FYB1: variants seen among roughly 807,000 people sequenced by gnomAD.
FYB1 encodes FYN-binding protein 1.
A neutral mutation model predicts 94.1 loss-of-function variants in FYB1; 41 were observed. That is an observed-to-expected ratio of 0.44 (90% CI 0.34 to 0.57). FYB1 has a LOEUF of 0.57. Ranked by LOEUF, FYB1 falls within the 20% of genes least tolerant of loss-of-function variation. The pLI is 0.02. For missense variants in FYB1, 1,050 were observed against 976.8 expected (o/e 1.07, Z -1.00); for synonymous variants, 367 against 353.2 (o/e 1.04, Z -0.44).
At chr5:39,267,883 TA>T (rs1382911769) in intron 1 of FYB1, among the ~76,000 whole-genome samples, 6 of 152,160 alleles carry the variant, frequency 3.9e-5, no homozygotes, top group Non-Finnish European at 8.8e-5. Flanking sequence ...ACAAAGTATA[TA>T]AAAAATGCTT....
intron 2 of FYB1, chr5:39,169,127 C>T: frequency 2.9e-6 from 2 of 690,508 alleles, no homozygotes; most frequent in Non-Finnish European, 5.3e-6. Context: ...TGCACATTCT[C>T]AGAAATTTTA....
At chr5:39,193,416 A>G (rs1398709308) in intron 2 of FYB1, among the ~76,000 whole-genome samples, 1 of 152,220 alleles carries the variant, frequency 6.6e-6, no homozygotes, top group Non-Finnish European at 1.5e-5. Flanking sequence ...CAAGGCAAAC[A>G]TTATCTAAAA....
chr5:39,273,743 G>A (rs1269053254), intron 1 of FYB1, among the ~76,000 whole-genome samples: 1 of 152,124 alleles, frequency 6.6e-6, no homozygotes, highest in Non-Finnish European at 1.5e-5. Context: ...TGCCCCTTCA[G>A]TACTCACTGA....
chr5:39,126,695 CAAAAAAA>C (rs1272438775), intron 11 of FYB1, among the ~76,000 whole-genome samples: 4 of 29,024 alleles, frequency 1.4e-4, no homozygotes, highest in Non-Finnish European at 2.0e-4. Flanking sequence ...GACCTGGTCT[CAAAAAAA>C]AAAAAAAAAA....
chr5:39,145,160 C>T (rs964612233), intron 3 of FYB1, among the ~76,000 whole-genome samples: 3 of 152,120 alleles, frequency 2.0e-5, no homozygotes, highest in African/African-American at 7.2e-5. Context: ...ATATGCTTAA[C>T]ATTTTTTACA....
intron 9 of FYB1, among the ~76,000 whole-genome samples, chr5:39,132,084 T>C (rs562416360): frequency 1.3e-5 from 2 of 152,320 alleles, no homozygotes; most frequent in African/African-American, 4.8e-5. Context: ...CTGTAGATAC[T>C]GCTTTAGTGG....
intron 16 of FYB1, chr5:39,110,776 T>C: frequency 2.8e-6 from 1 of 353,732 alleles, no homozygotes; most frequent in Non-Finnish European, 5.4e-6. Flanking sequence ...GGTAAGTATT[T>C]TAAATACCAC....
intron 14 of FYB1, 114 bp from the exon 15 acceptor site, chr5:39,119,748 C>CT (rs902233660): frequency 2.4e-6 from 3 of 1,234,072 alleles, no homozygotes; most frequent in Non-Finnish European, 3.1e-6. Flanking sequence ...TCAGTTAATT[C>CT]TTTTTGTTAG....
intron 1 of FYB1, among the ~76,000 whole-genome samples, chr5:39,256,653 GA>G (rs527753631): frequency 3.3e-4 from 50 of 152,236 alleles, no homozygotes; most frequent in African/African-American, 1.2e-3. Context: ...TGGTTTGCTT[GA>G]TGATTAAGAC....
At chr5:39,165,615 A>G (rs1744657641) in intron 2 of FYB1, among the ~76,000 whole-genome samples, 1 of 152,236 alleles carries the variant, frequency 6.6e-6, no homozygotes, top group African/African-American at 2.4e-5. Flanking sequence ...AAGCAAATAC[A>G]ACAAAACCAA....
intron 6 of FYB1, 155 bp downstream of exon 6, chr5:39,138,502 T>C (rs116044624): frequency 5.4e-4 from 269 of 500,606 alleles, no homozygotes; most frequent in African/African-American, 4.7e-3. Context: ...CTAAATAATT[T>C]TGGGTCCTTT....
At chr5:39,180,146 G>A (rs987657435) in intron 2 of FYB1, among the ~76,000 whole-genome samples, 1 of 152,152 alleles carries the variant, frequency 6.6e-6, no homozygotes, top group African/African-American at 2.4e-5. Context: ...CACATGGTTG[G>A]TGTTTAATAA....
chr5:39,251,477 C>G (rs1190185745), intron 1 of FYB1, among the ~76,000 whole-genome samples: 1 of 152,140 alleles, frequency 6.6e-6, no homozygotes, highest in Non-Finnish European at 1.5e-5. Context: ...GGGCTGCTCT[C>G]TACTCCCTGG....
chr5:39,252,593 A>G (rs1421819592), intron 1 of FYB1, among the ~76,000 whole-genome samples: 1 of 152,222 alleles, frequency 6.6e-6, no homozygotes, highest in East Asian at 1.9e-4. Context: ...TAGCACAGTT[A>G]ACTAACAATC....
intron 4 of FYB1, 32 bp downstream of exon 4, chr5:39,141,063 A>G (rs1284718818): frequency 6.8e-7 from 1 of 1,475,052 alleles, no homozygotes; most frequent in Non-Finnish European, 9.3e-7. Flanking sequence ...GAGTTTACAA[A>G]TAAATAAATA....
At chr5:39,192,866 A>C (rs1212238926) in intron 2 of FYB1, among the ~76,000 whole-genome samples, 2 of 152,256 alleles carry the variant, frequency 1.3e-5, no homozygotes, top group East Asian at 3.8e-4. Context: ...TTTCAATGGC[A>C]AAGTCTCTGA....
At chr5:39,138,429 G>A (rs1481635394) in intron 6 of FYB1, 1 of 381,184 alleles carries the variant, frequency 2.6e-6, no homozygotes, top group Non-Finnish European at 4.8e-6. Flanking sequence ...TATCTCAGAG[G>A]CATGTCTCTG....
At chr5:39,175,341 T>C (rs980942242) in intron 2 of FYB1, among the ~76,000 whole-genome samples, 13 of 152,114 alleles carry the variant, frequency 8.5e-5, no homozygotes, top group African/African-American at 3.1e-4. Flanking sequence ...AAGACTCCGG[T>C]TGATTGATGA....
intron 2 of FYB1, among the ~76,000 whole-genome samples, chr5:39,159,105 T>C (rs574622519): frequency 6.6e-6 from 1 of 152,298 alleles, no homozygotes; most frequent in East Asian, 1.9e-4. Flanking sequence ...TGCATAAACA[T>C]AAAAGATGGT....
Sources: allele counts gnomAD v4.1 joint callset (sites outside exome capture counted in the v4.1 genomes callset), GRCh38; gene constraint gnomAD v4.1.1; transcripts MANE v1.5; gene names NCBI Gene and HGNC (gene_info 2026-07-23, HGNC 2026-07-21).